Variants in SHISA7 observed in about 807,000 individuals in gnomAD.
The protein encoded by SHISA7 is shisa family member 7, also known as protein shisa-7.
A neutral mutation model predicts 23.9 loss-of-function variants in SHISA7; 6 were observed. The ratio of observed to expected loss-of-function variants is 0.25; its 90% confidence interval spans 0.14 to 0.50. The LOEUF is 0.50. Among genes scored for constraint, SHISA7 ranks in the 20% least tolerant of loss-of-function variants. The probability of loss-of-function intolerance (pLI) is 0.98; values close to 1 mark genes in which losing one functional copy is unlikely to be tolerated. For synonymous variants in SHISA7, 386 were observed against 398.3 expected (o/e 0.97, Z 0.37); for missense variants, 671 against 801.1 (o/e 0.84, Z 1.96).
At chr19:55,438,820 T>C (rs1403979895) in intron 2 of SHISA7, among the ~76,000 whole-genome samples, 1 of 151,966 alleles carries the variant, frequency 6.6e-6, no homozygotes, top group Non-Finnish European at 1.5e-5. Context: ...AGGTGGAAAG[T>C]GTGGGCACAG....
Position 55,438,877 on chromosome 19 carries a change from C to CCCCT in SHISA7, c.827-1127_827-1124dup, listed in dbSNP as rs1555754027. ...CTGTCCCAAGTTCTTAGCACCCCCC[C>CCCCT]CCCTGGTGCCCAGGCTAGAGATCTG... On this transcript the variant is annotated intron_variant, in intron 2 of 3. Transcript: ENST00000376325. Among the ~76,000 whole-genome samples, 103 of 151,708 alleles carry CCCCT rather than the reference C, an allele frequency of 6.8e-4. 1 individual carries two copies. The highest frequency in any genetic ancestry group is 2.5e-3 in the African/African-American group (103 of 41,270).
intron 3 of SHISA7, among the ~76,000 whole-genome samples, chr19:55,436,195 G>C (rs1985455097): frequency 1.3e-5 from 2 of 151,790 alleles, no homozygotes; most frequent in South Asian, 4.2e-4. Context: ...ACTGAGGCAG[G>C]AGAATCGCTT....
intron 3 of SHISA7, among the ~76,000 whole-genome samples, chr19:55,435,235 T>C (rs188872281): frequency 0.031 from 3,411 of 108,844 alleles, 46 homozygotes; most frequent in Middle Eastern, 0.045. Context: ...TATGTGTGTG[T>C]GCGTGTGTGC....
chr19:55,434,313 T>TGTG (rs200995192), intron 3 of SHISA7, among the ~76,000 whole-genome samples: 74,698 of 141,792 alleles, frequency 0.53, 19,524 homozygotes, highest in East Asian at 0.91. Flanking sequence ...GTGTGTGTGG[T>TGTG]GTGTGTGTGT....
At position 55,433,376 on chromosome 19, in the gene SHISA7, C is replaced by G. The variant is rs1350611930; in HGVS notation, c.1397G>C (p.Arg466Pro). ...LGPGGPPTPLRGLPPPSSLHA... is the reference protein window; with the variant it reads ...LGPGGPPTPLPGLPPPSSLHA... Reference sequence around the variant, plus strand: ...CAGGCTGGACGGTGGCGGCAGCCCGCGCAGCGGTGTTGGGGGCCCCCCGGG... The same window carrying G: ...CAGGCTGGACGGTGGCGGCAGCCCGGGCAGCGGTGTTGGGGGCCCCCCGGG... Residue 466 changes from arginine (R) to proline (P), a missense_variant, in exon 4 of 4, where the codon CGC becomes CCC. Physicochemically the swap from Arg to Pro is moderately radical, Grantham distance 103. This residue lies in a region of SHISA7 where 457 missense variants were observed against 488.3 expected (regional missense o/e 0.94). Coordinates refer to ENST00000376325, the MANE Select transcript of SHISA7 (RefSeq NM_001145176.2). This position sits in a 1 kb window ranked among gnomAD's most constrained non-coding sequence, Gnocchi z 8.4. The G allele has an allele frequency of 1.6e-5, 22 of 1,345,484 alleles. No homozygotes were observed. In the East Asian group the frequency reaches 6.0e-4, roughly 36 times the overall value. The allele number at this position is 1,345,484 out of a possible 1,614,324, so 83.3% of individuals were successfully genotyped here.
At chr19:55,439,398 T>C (rs1985542432) in intron 2 of SHISA7, among the ~76,000 whole-genome samples, 1 of 152,170 alleles carries the variant, frequency 6.6e-6, no homozygotes, top group African/African-American at 2.4e-5. Flanking sequence ...CATCCCAGCC[T>C]CCTCCTGGGC....
In SHISA7 at chr19:55,440,623, TC is replaced by T; in HGVS notation, c.813del (p.Thr272ProfsTer41). On this transcript the variant is annotated frameshift_variant, in exon 2 of 4. Transcript: ENST00000376325. LOFTEE classifies it high-confidence loss of function. ...ACGTTCCACTCACCGAGGTTGGGGG[TC>T]TTCACGGTGTTGTAGAGGTTCTTGG... Reference protein sequence around the residue: ...RTPKNLYNTVKTPNLDWRALP... With the variant: ...RTPKNLYNTVXTPNLDWRALP... 8.0e-7 allele frequency: 1 copy of T among 1,249,246 alleles called. No individual in the cohort carries two copies. The allele number at this position is 1,249,246 out of a possible 1,614,324, so 77.4% of individuals were successfully genotyped here.
rs1457893762 is a variant in SHISA7, at chr19:55,442,720, C to A, written c.144G>T (p.Thr48=). 6.8e-6 allele frequency: 7 copies of A among 1,026,918 alleles called. No homozygotes were observed. Among genetic ancestry groups the A allele is most frequent in the African/African-American group, 3.5e-5 (2 of 57,598 alleles). The allele number at this position is 1,026,918 out of a possible 1,614,324, so 63.6% of individuals were successfully genotyped here. The change falls in exon 1 of 4, where the codon ACG becomes ACT. Residue 48 remains threonine, a synonymous_variant. Coordinates refer to ENST00000376325, the MANE Select transcript of SHISA7 (RefSeq NM_001145176.2). ...AHLRRLTGAL[T]GGGGAASPGA... The stretch of plus-strand genomic sequence containing the variant: ...CTGGGCTCGCCGCGCCCCCGCCGCC[C>A]GTCAGCGCCCCGGTCAGGCGCCGCA...
intron 2 of SHISA7, among the ~76,000 whole-genome samples, chr19:55,439,232 C>T (rs925939651): frequency 1.3e-5 from 2 of 152,216 alleles, no homozygotes; most frequent in Non-Finnish European, 2.9e-5. Context: ...GTGAGCCCAG[C>T]GTGGTCCTGC....
In SHISA7 at chr19:55,429,415, A is replaced by C. The variant is rs1392319322; in HGVS notation, c.*3741T>G. ...CGGGGCTGGGGAGGCCCTGGAAGGG[A>C]TGGGAGGAGCCCCTCAGAGCAGCTA... On this transcript the variant is annotated 3_prime_UTR_variant, in exon 4 of 4. Transcript: ENST00000376325. 1 of 152,522 alleles carries C rather than the reference A, an allele frequency of 6.6e-6. No homozygotes were observed. The highest frequency in any genetic ancestry group is 1.5e-5 in the Non-Finnish European group (1 of 68,380). 9.4% of individuals were successfully genotyped at this position (152,522 alleles called of 1,614,324 possible).
chr19:55,434,627 GTGGTGTGTGTGGTTGTGTGTA>G (rs1300039919), intron 3 of SHISA7, among the ~76,000 whole-genome samples: 6 of 106,878 alleles, frequency 5.6e-5, no homozygotes, highest in African/African-American at 2.1e-4. Flanking sequence ...GCGTGTGTGT[GTGGTGTGTGTGGTTGTGTGTA>G]TGGTGTGTGT....
chr19:55,442,078 C>A lies in SHISA7; in HGVS notation c.671+115G>T, dbSNP rs888763012. The A allele has an allele frequency of 7.2e-6, 8 of 1,110,464 alleles. No homozygotes were observed. In the South Asian group the frequency reaches 1.4e-4, roughly 19 times the overall value. 68.8% of individuals were successfully genotyped at this position (1,110,464 alleles called of 1,614,324 possible). On this transcript the variant is annotated intron_variant, in intron 1 of 3. Transcript: ENST00000376325. ...CTTCAGCTACGCCGGCGGCCGCCAC[C>A]TGGGTCTCTGACCACCACGCCCTAT...
chr19:55,440,913 G>C, intron 1 of SHISA7, 148 bp from the exon 2 acceptor site: 1 of 715,812 alleles, frequency 1.4e-6, no homozygotes, highest in East Asian at 3.4e-5. Context: ...CTTTCTCGTT[G>C]GCCACGCCCC....
chr19:55,442,114 C>T, intron 1 of SHISA7, 79 bp downstream of exon 1: 2 of 1,364,710 alleles, frequency 1.5e-6, no homozygotes, highest in Non-Finnish European at 1.9e-6. Context: ...CCCTGCAGCC[C>T]CTCCTCCTCG....
intron 3 of SHISA7, among the ~76,000 whole-genome samples, chr19:55,434,887 ATGTGGTGTG>A (rs577165792): frequency 0.021 from 1,066 of 50,628 alleles, 9 homozygotes; most frequent in Non-Finnish European, 0.031. Flanking sequence ...GTGTGTGTAT[ATGTGGTGTG>A]TGTGGTGTGT....
chr19:55,433,726 C>A lies in SHISA7; in HGVS notation c.1047G>T (p.Leu349=). Residue 349 remains leucine, a synonymous_variant, in exon 4 of 4, where the codon CTG becomes CTT. Transcript: ENST00000376325. The surrounding 1 kb of genome is among the most constrained non-coding windows in gnomAD (Gnocchi z 8.4). ...PLELPRGTLP[L]HALRRPGTGG... Reference sequence around the variant, plus strand: ...CCGTGCCCGGCCGCCGCAGCGCGTGCAGGGGCAGCGTGCCGCGGGGCAATT... The same window carrying A: ...CCGTGCCCGGCCGCCGCAGCGCGTGAAGGGGCAGCGTGCCGCGGGGCAATT... 1 of 1,473,404 alleles carries A rather than the reference C, an allele frequency of 6.8e-7. No individual in the cohort carries two copies. The highest frequency in any genetic ancestry group is 1.3e-5 in the South Asian group (1 of 77,126). 91.3% of individuals were successfully genotyped at this position (1,473,404 alleles called of 1,614,324 possible).
chr19:55,431,153 C>T lies in SHISA7; in HGVS notation c.*2003G>A, dbSNP rs556833614. On this transcript the variant is annotated 3_prime_UTR_variant, in exon 4 of 4. Transcript: ENST00000376325. The stretch of plus-strand genomic sequence containing the variant: ...GTAGTGGCACATGTTTGAATGAAAT[C>T]CTGGGAGGTGGTGGCACATGGTTGA... 1.3e-5 allele frequency: 2 copies of T among 152,066 alleles called. No individual in the cohort carries two copies. Among genetic ancestry groups the T allele is most frequent in the South Asian group, 2.1e-4 (1 of 4,828 alleles). The allele number at this position is 152,066 out of a possible 1,614,324, so 9.4% of individuals were successfully genotyped here.
chr19:55,436,324 C>T (rs1218846545), intron 3 of SHISA7, among the ~76,000 whole-genome samples: 1 of 151,024 alleles, frequency 6.6e-6, no homozygotes, highest in Admixed American at 6.6e-5. Flanking sequence ...AAACAAAAAA[C>T]GCCGGGCATA....
rs951796727 is a variant in SHISA7 at position 55,440,758 on chromosome 19, C to T, written c.679G>A (p.Val227Met). ...CCCGCCTGATGTCTCAGAATGTCCA[C>T]CAGAGCTCTAAAGGTGGCAGAGAGG... ...HRDINVPRALVDILRHQAGPG... is the reference protein window; with the variant it reads ...HRDINVPRALMDILRHQAGPG... Residue 227 changes from valine (V) to methionine (M), a missense_variant, in exon 2 of 4, where the codon GTG (valine) becomes ATG (methionine). Transcript: ENST00000376325. 3.2e-6 allele frequency: 4 copies of T among 1,243,486 alleles called. No homozygotes were observed. Among genetic ancestry groups the T allele is most frequent in the Non-Finnish European group, 4.0e-6 (4 of 988,190 alleles). 77.0% of individuals were successfully genotyped at this position (1,243,486 alleles called of 1,614,324 possible).
Sources: gnomAD v4.1 joint callset for allele counts (sites outside exome capture counted in the v4.1 genomes callset) on GRCh38, gnomAD v4.1.1 for gene constraint, gnomAD v4.1.1 regional missense constraint, Gnocchi (gnomAD v3.1) non-coding constraint, MANE v1.5 for transcripts, NCBI Gene and HGNC (gene_info 2026-07-23, HGNC 2026-07-21) for gene names.